Variants in KANSL2 observed in about 807,000 individuals in gnomAD.
KANSL2 encodes KAT8 regulatory NSL complex subunit 2.
A neutral mutation model predicts 55.6 loss-of-function variants in KANSL2; 34 were observed. The ratio of observed to expected loss-of-function variants is 0.61; its 90% CI spans 0.46 to 0.81. The LOEUF is 0.81. Among genes scored for constraint, KANSL2 ranks in the 40% least tolerant of loss-of-function variants. The pLI is 0.00. For missense variants in KANSL2, 502 were observed against 609.9 expected (o/e 0.82, Z 1.86); for synonymous variants, 209 against 214.3 (o/e 0.98, Z 0.22).
At chr12:48,673,280 C>G (rs1412508919) in intron 4 of KANSL2, among the ~76,000 whole-genome samples, 1 of 152,156 alleles carries the variant, frequency 6.6e-6, no homozygotes, top group Non-Finnish European at 1.5e-5. Context: ...GAATATCTGG[C>G]CAGGCACGGT....
In KANSL2 at chr12:48,669,088, G is replaced by C. The variant is rs533785515; in HGVS notation, c.876+18C>G. On this transcript the variant is annotated intron_variant, in intron 6 of 9. Coordinates refer to ENST00000420613, the MANE Select transcript of KANSL2 (RefSeq NM_017822.4). Reference sequence around the variant, plus strand: ...ATAAAGTGAACGTATATACCTTAAAGGTATACACACAAATTACCTGTTGGG... The same window carrying C: ...ATAAAGTGAACGTATATACCTTAAACGTATACACACAAATTACCTGTTGGG... 1 of 1,521,838 alleles carries C rather than the reference G, an allele frequency of 6.6e-7. No homozygotes were observed. Among genetic ancestry groups the C allele is most frequent in the African/African-American group, 1.4e-5 (1 of 71,422 alleles). The allele number at this position is 1,521,838 out of a possible 1,614,324, so 94.3% of individuals were successfully genotyped here.
intron 4 of KANSL2, among the ~76,000 whole-genome samples, chr12:48,675,980 G>A (rs1325559627): frequency 6.6e-6 from 1 of 152,088 alleles, no homozygotes; most frequent in Non-Finnish European, 1.5e-5. Flanking sequence ...ATAACCTTCA[G>A]CCAAACAAGT....
chr12:48,653,545 G>A lies in KANSL2; in HGVS notation c.*499C>T, dbSNP rs998443980. ...ATAGGTTAAAAGCAAGACGGATAAG[G>A]AGGACCCAGTCCTGTGGGCTGTTTT... On this transcript the variant is annotated 3_prime_UTR_variant, in exon 10 of 10. Transcript: ENST00000420613. The A allele has an allele frequency of 6.5e-6, 1 of 152,842 alleles. No individual in the cohort carries two copies. The highest frequency in any genetic ancestry group is 1.5e-5 in the Non-Finnish European group (1 of 68,186). The allele number at this position is 152,842 out of a possible 1,614,324, so 9.5% of individuals were successfully genotyped here.
At chr12:48,670,660 T>C (rs1939695719) in intron 5 of KANSL2, among the ~76,000 whole-genome samples, 1 of 152,220 alleles carries the variant, frequency 6.6e-6, no homozygotes, top group Non-Finnish European at 1.5e-5. Context: ...AAGTTTTTCT[T>C]AAAAATTTTT....
chr12:48,676,282 C>A (rs957333028), intron 4 of KANSL2, among the ~76,000 whole-genome samples: 1 of 152,110 alleles, frequency 6.6e-6, no homozygotes, highest in African/African-American at 2.4e-5. Flanking sequence ...ATTTTTAAAT[C>A]TTTCGTAGAG....
In KANSL2 at chr12:48,682,151, C is replaced by A; in HGVS notation, c.-10+36G>T. The A allele has an allele frequency of 4.3e-6, 3 of 702,250 alleles. No homozygotes were observed. The South Asian group carries it at 4.4e-5, about 10-fold the overall frequency. 43.5% of individuals were successfully genotyped at this position (702,250 alleles called of 1,614,324 possible). ...AAAAAGAGCGAAATAGCAGCCCAAC[C>A]GCAAGAGCTTAGAGGAAAGAGCACC... On this transcript the variant is annotated intron_variant, in intron 1 of 9. Transcript: ENST00000420613.
In KANSL2 at chr12:48,681,443, T is replaced by C; in HGVS notation, c.190A>G (p.Ile64Val). The C allele has an allele frequency of 1.2e-6, 2 of 1,613,950 alleles. No homozygotes were observed. Among genetic ancestry groups the C allele is most frequent in the African/African-American group, 1.3e-5 (1 of 75,052 alleles). The change falls in exon 2 of 10, where the codon ATA becomes GTA. Residue 64 changes from isoleucine (I) to valine (V), a missense_variant. Ile to Val is a conservative substitution (Grantham distance 29). Transcript: ENST00000420613. ...CATCTTTTTCCATTCTTCGTCGATATATAACTACACTGCTTGAAGGGTGCA... is the reference window on the plus strand; with the variant it reads ...CATCTTTTTCCATTCTTCGTCGATACATAACTACACTGCTTGAAGGGTGCA... ...KNAPFKQCSYISTKNGKRCPN... is the reference protein window; with the variant it reads ...KNAPFKQCSYVSTKNGKRCPN...
chr12:48,674,708 T>C (rs1939788438), intron 4 of KANSL2, among the ~76,000 whole-genome samples: 1 of 152,072 alleles, frequency 6.6e-6, no homozygotes, highest in Non-Finnish European at 1.5e-5. Context: ...GGTGGATCAC[T>C]TGAGGTCAGG....
In KANSL2 at chr12:48,654,110, A is replaced by G. The variant is rs1939331039; in HGVS notation, c.1413T>C (p.Ser471=). ...CCAATCCACTCTGAGACAATGGTGC[A>G]GAGGCTTTCTCAGAATTTCGAGATC... ...SQGSRNSEKA[S]APLSQSGLAT... Residue 471 remains serine, a synonymous_variant, in exon 10 of 10, where the codon TCT becomes TCC. Transcript: ENST00000420613. The G allele has an allele frequency of 8.1e-6, 13 of 1,613,214 alleles. No homozygotes were observed. The highest frequency in any genetic ancestry group is 2.7e-5 in the African/African-American group (2 of 74,934).
Position 48,681,474 on chromosome 12 carries a change from G to C in KANSL2, c.159C>G (p.Asp53Glu), listed in dbSNP as rs1403429614. ...QEFCIKHILEDKNAPFKQCSY... is the reference protein window; with the variant it reads ...QEFCIKHILEEKNAPFKQCSY... ...TACACTGCTTGAAGGGTGCATTCTT[G>C]TCTTCAAGGATATGCTTAATGCAAA... is the stretch of plus-strand genomic sequence containing the variant. The change falls in exon 2 of 10, where the codon GAC (aspartate) becomes GAG (glutamate). Residue 53 changes from aspartate (D) to glutamate (E), a missense_variant. Coordinates refer to ENST00000420613, the MANE Select transcript of KANSL2 (RefSeq NM_017822.4). The C allele has an allele frequency of 1.2e-6, 2 of 1,613,854 alleles. No homozygotes were observed. The highest frequency in any genetic ancestry group is 1.1e-5 in the South Asian group (1 of 91,082).
chr12:48,680,899 A>G (rs1345589594), intron 2 of KANSL2, among the ~76,000 whole-genome samples: 1 of 113,240 alleles, frequency 8.8e-6, no homozygotes, highest in Non-Finnish European at 1.9e-5. Flanking sequence ...TTGAACCTGG[A>G]AGGAGGAGGT....
chr12:48,676,326 G>GA (rs1939820219), intron 4 of KANSL2, among the ~76,000 whole-genome samples: 1 of 151,946 alleles, frequency 6.6e-6, no homozygotes. Flanking sequence ...GGCTGGTCTC[G>GA]AACTCCTGGG....
At chr12:48,671,718 A>C in intron 5 of KANSL2, 81 bp downstream of exon 5, 1 of 1,353,158 alleles carries the variant, frequency 7.4e-7, no homozygotes, top group Non-Finnish European at 1.0e-6. Context: ...ATGTATCCCC[A>C]TCATTAAGTG....
intron 4 of KANSL2, among the ~76,000 whole-genome samples, chr12:48,678,723 C>A (rs1939868694): frequency 6.6e-6 from 1 of 152,202 alleles, no homozygotes; most frequent in Non-Finnish European, 1.5e-5. Flanking sequence ...TTTCTCTTCT[C>A]TAAACTGGTC....
rs552180187 is a variant in KANSL2 at position 48,654,420 on chromosome 12, G to C, written c.1348-245C>G. ...AAATGAAATAGCCATTCCCTACTGA[G>C]GTCCCAGAACAGCCAACAGACCACA... On this transcript the variant is annotated intron_variant, in intron 9 of 9. Transcript: ENST00000420613. 6 of 733,532 alleles carry C rather than the reference G, an allele frequency of 8.2e-6. No homozygotes were observed. In the East Asian group the frequency reaches 1.6e-4, roughly 20 times the overall value. The allele number at this position is 733,532 out of a possible 1,614,324, so 45.4% of individuals were successfully genotyped here. A position where few individuals can be genotyped will look rare whatever the true frequency, so the allele number is the denominator to read the frequency against.
rs36046064 is a variant in KANSL2 at position 48,664,279 on chromosome 12, ATT to A, written c.973+3412_973+3413del. On this transcript the variant is annotated intron_variant, in intron 7 of 9. Transcript: ENST00000420613. The stretch of plus-strand genomic sequence containing the variant: ...CCTCTGCCCAATTATGTTTTAAGCA[ATT>A]TTTTTTTTTTTTTGACACAGAGTCT... Among the ~76,000 whole-genome samples the A allele has an allele frequency of 7.5e-3, 1,039 of 138,216 alleles. 8 individuals carry two copies. The highest frequency in any genetic ancestry group is 0.022 in the African/African-American group (808 of 37,072). The allele number at this position is 138,216 out of a possible 152,430, so 90.7% of individuals were successfully genotyped here. A position where few individuals can be genotyped will look rare whatever the true frequency, so the allele number is the denominator to read the frequency against.
chr12:48,670,328 A>G (rs1381930703), intron 5 of KANSL2, among the ~76,000 whole-genome samples: 2 of 152,102 alleles, frequency 1.3e-5, no homozygotes, highest in Non-Finnish European at 2.9e-5. Flanking sequence ...TATTTATTAA[A>G]AAAAAAAAGT....
In KANSL2 at chr12:48,656,931, G is replaced by A. The variant is rs1040413109; in HGVS notation, c.1228-1871C>T. ...GTTTAATCCAGTTTATAGATGCTCCGTGTTTCTATTCATCTAGCTTCACGA... is the reference window on the plus strand; with the variant it reads ...GTTTAATCCAGTTTATAGATGCTCCATGTTTCTATTCATCTAGCTTCACGA... On this transcript the variant is annotated intron_variant, in intron 8 of 9. Coordinates refer to ENST00000420613, the MANE Select transcript of KANSL2 (RefSeq NM_017822.4). The A allele has an allele frequency of 2.2e-5, 6 of 270,360 alleles. No individual in the cohort carries two copies. The East Asian group carries it at 3.0e-4, about 14-fold the overall frequency. 16.7% of individuals were successfully genotyped at this position (270,360 alleles called of 1,614,324 possible).
Position 48,655,049 on chromosome 12 carries a change from A to C in KANSL2, c.1239T>G (p.Val413=). 2 of 1,578,380 alleles carry C rather than the reference A, an allele frequency of 1.3e-6. No homozygotes were observed. Among genetic ancestry groups the C allele is most frequent in the Non-Finnish European group, 1.7e-6 (2 of 1,161,802 alleles). Residue 413 remains valine (V), a synonymous_variant, in exon 9 of 10, where the codon GTT becomes GTG. Transcript: ENST00000420613. ...LPLEFSDDLD[V]VGDGMQCPPS... is the part of the protein sequence containing the mutation. ...GAGGACACTGCATACCATCACCCACAACATCCAAGTCCTAGAAAAAAGAGA... is the reference window on the plus strand; with the variant it reads ...GAGGACACTGCATACCATCACCCACCACATCCAAGTCCTAGAAAAAAGAGA...
Sources: gnomAD v4.1 joint callset for allele counts (sites outside exome capture counted in the v4.1 genomes callset) on GRCh38, gnomAD v4.1.1 for gene constraint, MANE v1.5 for transcripts, NCBI Gene and HGNC (gene_info 2026-07-23, HGNC 2026-07-21) for gene names.